The following HUNK variants were observed in gnomAD, a reference collection of about 807,000 sequenced individuals.
The protein encoded by HUNK is hormonally up-regulated neu tumor-associated kinase.
A neutral mutation model predicts 61.0 loss-of-function variants in HUNK; 21 were observed. The observed-to-expected ratio is 0.34, with a 90% confidence interval of 0.24 to 0.50. HUNK has a LOEUF of 0.50. Ranked by LOEUF, HUNK falls within the 20% of genes least tolerant of loss-of-function variation. HUNK has a pLI of 0.98. For missense variants in HUNK, 772 were observed against 945.7 expected (o/e 0.82, Z 2.41); for synonymous variants, 371 against 386.1 (o/e 0.96, Z 0.46).
intron 10 of HUNK, among the ~76,000 whole-genome samples, chr21:31,997,809 A>C (rs1271356858): frequency 6.6e-6 from 1 of 152,196 alleles, no homozygotes; most frequent in African/African-American, 2.4e-5. Context: ...GATTGGCAGG[A>C]ATTCAGTCAA....
At chr21:31,887,986 A>G (rs1299872786) in intron 1 of HUNK, among the ~76,000 whole-genome samples, 2 of 151,938 alleles carry the variant, frequency 1.3e-5, no homozygotes, top group African/African-American at 2.4e-5. Flanking sequence ...TGGATCTCGT[A>G]CCATCTGCTG....
At chr21:31,944,605 G>T (rs1221250439) in intron 3 of HUNK, among the ~76,000 whole-genome samples, 2 of 151,938 alleles carry the variant, frequency 1.3e-5, no homozygotes, top group Non-Finnish European at 2.9e-5. Flanking sequence ...AATGGGGTGT[G>T]GGGGGAGGGT....
In HUNK at chr21:32,000,207, G is replaced by C. The variant is rs781157414; in HGVS notation, c.*1023G>C. 5.0e-6 allele frequency: 2 copies of C among 398,976 alleles called. No homozygotes were observed. The highest frequency in any genetic ancestry group is 3.6e-5 in the East Asian group (1 of 28,086). The allele number at this position is 398,976 out of a possible 1,614,324, so 24.7% of individuals were successfully genotyped here. A position where few individuals can be genotyped will look rare whatever the true frequency, so the allele number is the denominator to read the frequency against. On this transcript the variant is annotated 3_prime_UTR_variant, in exon 11 of 11. Coordinates refer to ENST00000270112, the MANE Select transcript of HUNK (RefSeq NM_014586.2). ...ATGGCGAGAAGGCAGCATTATCTCT[G>C]TGCGATGCTGATTTCAAGCTGCCCA...
chr21:31,995,662 T>A, intron 9 of HUNK, 106 bp from the exon 10 acceptor site: 1 of 903,810 alleles, frequency 1.1e-6, no homozygotes. Context: ...CATAGAGTAT[T>A]GAAAAGGTGG....
At chr21:31,902,831 A>G (rs1283005589) in intron 1 of HUNK, among the ~76,000 whole-genome samples, 1 of 152,190 alleles carries the variant, frequency 6.6e-6, no homozygotes, top group Non-Finnish European at 1.5e-5. Flanking sequence ...GCCTACATTT[A>G]TTTATTGATT....
intron 1 of HUNK, among the ~76,000 whole-genome samples, chr21:31,923,506 G>A (rs1461355333): frequency 2.1e-5 from 3 of 145,364 alleles, no homozygotes; most frequent in African/African-American, 7.6e-5. Flanking sequence ...GGAAGGGGAG[G>A]GAGAGAGGGA....
chr21:31,933,273 T>C (rs969075857), intron 2 of HUNK, among the ~76,000 whole-genome samples: 5 of 152,142 alleles, frequency 3.3e-5, no homozygotes, highest in African/African-American at 1.2e-4. Flanking sequence ...TAGCTCCTCT[T>C]TGAAGGCCCA....
chr21:31,918,496 G>A (rs1027329161), intron 1 of HUNK, among the ~76,000 whole-genome samples: 4 of 152,158 alleles, frequency 2.6e-5, no homozygotes, highest in Admixed American at 2.6e-4. Context: ...ACAGTCTGGA[G>A]GCTGGAAGTC....
chr21:31,940,319 G>A, intron 3 of HUNK, 99 bp downstream of exon 3: 1 of 661,344 alleles, frequency 1.5e-6, no homozygotes, highest in Non-Finnish European at 2.5e-6. Flanking sequence ...CTAATACCCA[G>A]ACAATATTCT....
intron 5 of HUNK, among the ~76,000 whole-genome samples, chr21:31,965,680 CA>C (rs2052961186): frequency 6.7e-6 from 1 of 149,912 alleles, no homozygotes; most frequent in African/African-American, 2.5e-5. Context: ...CAGCTCACTG[CA>C]AACTCTGCCT....
rs187754738 is a variant in HUNK, at chr21:31,980,786, C to A, written c.1174-2740C>A. On this transcript the variant is annotated intron_variant, in intron 7 of 10. Transcript: ENST00000270112. ...ATGGCGAGATCTCCATTCATCGCAA[C>A]CTCCGTCTCCCAGGTTCAAGCGATT... is the stretch of plus-strand genomic sequence containing the variant. Among the ~76,000 whole-genome samples the A allele has an allele frequency of 8.1e-4, 124 of 152,226 alleles. 4 individuals are homozygous for A. The East Asian group carries it at 0.016, about 20-fold the overall frequency.
intron 4 of HUNK, among the ~76,000 whole-genome samples, chr21:31,955,239 G>A (rs1271676060): frequency 6.7e-6 from 1 of 149,808 alleles, no homozygotes; most frequent in Admixed American, 6.6e-5. Context: ...CTTCTCATTA[G>A]GCTATGACAA....
chr21:31,894,708 T>C (rs959146007), intron 1 of HUNK, among the ~76,000 whole-genome samples: 3 of 152,138 alleles, frequency 2.0e-5, no homozygotes, highest in African/African-American at 7.2e-5. Context: ...GACAAAGGCT[T>C]CCTGTTTGAA....
intron 1 of HUNK, among the ~76,000 whole-genome samples, chr21:31,876,162 G>A (rs1362143222): frequency 6.6e-6 from 1 of 152,170 alleles, no homozygotes; most frequent in Non-Finnish European, 1.5e-5. Flanking sequence ...ATGTTAATTG[G>A]ATGTAAAATT....
At chr21:31,953,111 C>G (rs1318584934) in intron 4 of HUNK, among the ~76,000 whole-genome samples, 1 of 152,160 alleles carries the variant, frequency 6.6e-6, no homozygotes, top group African/African-American at 2.4e-5. Context: ...GTCAGATGGA[C>G]TAGGTTTCTC....
At chr21:31,880,102 C>G (rs2052294938) in intron 1 of HUNK, among the ~76,000 whole-genome samples, 1 of 152,216 alleles carries the variant, frequency 6.6e-6, no homozygotes, top group Non-Finnish European at 1.5e-5. Flanking sequence ...GCTGTTCCCT[C>G]TCCTCCATCA....
At chr21:31,875,972 C>T (rs926237313) in intron 1 of HUNK, among the ~76,000 whole-genome samples, 1 of 152,174 alleles carries the variant, frequency 6.6e-6, no homozygotes, top group East Asian at 1.9e-4. Flanking sequence ...AGAGCTCAGC[C>T]AGCGCTTGGG....
chr21:31,910,073 T>A (rs2123805203), intron 1 of HUNK, among the ~76,000 whole-genome samples: 1 of 152,324 alleles, frequency 6.6e-6, no homozygotes, highest in East Asian at 1.9e-4. Flanking sequence ...TGATGAGATT[T>A]ACAAAGCAAG....
At chr21:31,957,904 G>A (rs766206345) in intron 4 of HUNK, among the ~76,000 whole-genome samples, 49 of 152,156 alleles carry the variant, frequency 3.2e-4, no homozygotes, top group African/African-American at 2.2e-4. Flanking sequence ...AGAGCAAAAC[G>A]CCAGGTTTTG....
Sources: gnomAD v4.1 joint callset for allele counts (sites outside exome capture counted in the v4.1 genomes callset) on GRCh38, gnomAD v4.1.1 for gene constraint, MANE v1.5 for transcripts, NCBI Gene and HGNC (gene_info 2026-07-23, HGNC 2026-07-21) for gene names.